The following FAM50B variants were observed in gnomAD, a reference collection of about 807,000 sequenced individuals.
FAM50B encodes family with sequence similarity 50 member B.
A neutral mutation model predicts 25.4 loss-of-function variants in FAM50B; 9 were observed. The observed-to-expected ratio is 0.35, with a 90% CI of 0.21 to 0.62. The LOEUF (loss-of-function observed/expected upper bound fraction) is 0.62, where lower values mean the gene tolerates loss of function less well. FAM50B is among the 20% of genes least tolerant of loss of function. The pLI is 0.73. For synonymous variants in FAM50B, 212 were observed against 204.3 expected (o/e 1.04, Z -0.32); for missense variants, 372 against 477.9 (o/e 0.78, Z 2.07).
the FAM50B span, among the ~76,000 whole-genome samples, chr6:3,839,403 T>A: frequency 4.6e-5 from 7 of 152,220 alleles, no homozygotes; most frequent in East Asian, 1.2e-3. Flanking sequence ...CACATTGGGA[T>A]CCATTGTCAA....
chr6:3,832,117 G>A, the FAM50B span: 1 of 152,136 alleles, frequency 6.6e-6, no homozygotes, highest in Non-Finnish European at 1.5e-5. Flanking sequence ...GTCAAGCAAA[G>A]GAATTCATAC....
chr6:3,850,527 A>G lies in FAM50B; in HGVS notation c.716A>G (p.Lys239Arg), dbSNP rs1762202181. 1.9e-6 allele frequency: 3 copies of G among 1,613,952 alleles called. No homozygotes were observed. The highest frequency in any genetic ancestry group is 2.5e-6 in the Non-Finnish European group (3 of 1,180,018). Residue 239 changes from lysine (K) to arginine (R), a missense_variant, in exon 2 of 2, where the codon AAG becomes AGG. Lys to Arg is a conservative substitution (Grantham distance 26). Transcript: ENST00000648326. ...GGCGTGGAGCAGCTCATGTTCATCA[A>G]GGAGGACCTCATCCTGCCGCACTAC... ...SAGVEQLMFI[K>R]EDLILPHYHT...
At chr6:3,840,529 C>CA in the FAM50B span, among the ~76,000 whole-genome samples, 3 of 152,226 alleles carry the variant, frequency 2.0e-5, no homozygotes, top group East Asian at 5.8e-4. Context: ...CGGCATGTAA[C>CA]AGAGTCCAGG....
In FAM50B at chr6:3,850,040, C is replaced by T; in HGVS notation, c.229C>T (p.Gln77Ter). 6.2e-7 allele frequency: 1 copy of T among 1,613,108 alleles called. No individual in the cohort carries two copies. The highest frequency in any genetic ancestry group is 8.5e-7 in the Non-Finnish European group (1 of 1,179,640). ...GACCCTGAACGACATGAAGGCCCGGCAGGAGGCCCTGGTCAGGGAGCGCGA... is the reference window on the plus strand; with the variant it reads ...GACCCTGAACGACATGAAGGCCCGGTAGGAGGCCCTGGTCAGGGAGCGCGA... ...LVTLNDMKAR[Q>*]EALVRERERQ... The change falls in exon 2 of 2, where the codon CAG becomes TAG. Residue 77 changes from glutamine (Q) to a stop codon, truncating the protein, a stop_gained. Transcript: ENST00000648326. LOFTEE classifies it high-confidence loss of function.
the FAM50B span, among the ~76,000 whole-genome samples, chr6:3,842,414 C>CT: frequency 1.3e-5 from 2 of 152,186 alleles, no homozygotes; most frequent in African/African-American, 2.4e-5. Context: ...TTCTACGTTC[C>CT]TTTAAGAGGA....
rs1351309387 is a variant in FAM50B at position 3,850,897 on chromosome 6, A to T, written c.*108A>T. ...CTTGATTTCTTCCCCCAAATTTAAT[A>T]AAGACAGAGGGTTCTCATGATTCAC... On this transcript the variant is annotated 3_prime_UTR_variant, in exon 2 of 2. Coordinates refer to ENST00000648326, the MANE Select transcript of FAM50B (RefSeq NM_012135.3). 42 of 1,480,898 alleles carry T rather than the reference A, an allele frequency of 2.8e-5. No homozygotes were observed. In the Middle Eastern group the frequency reaches 1.3e-3, roughly 47 times the overall value. 91.7% of individuals were successfully genotyped at this position (1,480,898 alleles called of 1,614,324 possible). A position where few individuals can be genotyped will look rare whatever the true frequency, so the allele number is the denominator to read the frequency against.
chr6:3,840,024 A>G, the FAM50B span, among the ~76,000 whole-genome samples: 3 of 151,896 alleles, frequency 2.0e-5, no homozygotes, highest in Non-Finnish European at 2.9e-5. Flanking sequence ...ACGGAGTCTC[A>G]CTCTGTCGCC....
the FAM50B span, among the ~76,000 whole-genome samples, chr6:3,833,262 G>T: frequency 6.6e-6 from 1 of 152,204 alleles, no homozygotes; most frequent in South Asian, 2.1e-4. Context: ...ACTGGTAAGA[G>T]CTGAGAATTT....
the FAM50B span, among the ~76,000 whole-genome samples, chr6:3,842,820 G>A: frequency 2.8e-3 from 422 of 152,224 alleles, 5 homozygotes; most frequent in African/African-American, 9.1e-3. Flanking sequence ...TTTGCTGTAC[G>A]TTTCTAAAAA....
chr6:3,837,890 C>T, the FAM50B span, among the ~76,000 whole-genome samples: 53 of 152,306 alleles, frequency 3.5e-4, no homozygotes, highest in Non-Finnish European at 2.9e-5. Flanking sequence ...GACAGCAGAG[C>T]CCTCATGACC....
chr6:3,832,060 G>A, the FAM50B span: 1 of 152,254 alleles, frequency 6.6e-6, no homozygotes, highest in Admixed American at 6.5e-5. Context: ...GTTGCGGGAA[G>A]TACAGCTGTT....
At chr6:3,841,216 T>G in the FAM50B span, among the ~76,000 whole-genome samples, 1 of 152,210 alleles carries the variant, frequency 6.6e-6, no homozygotes, top group Non-Finnish European at 1.5e-5. Context: ...TACAAGCTGT[T>G]TAAAGAATAA....
rs761653588 is a variant in FAM50B, at chr6:3,850,803, G to C, written c.*14G>C. On this transcript the variant is annotated 3_prime_UTR_variant, in exon 2 of 2. Transcript: ENST00000648326. The stretch of plus-strand genomic sequence containing the variant: ...ACCATCCGCTAACACCCGCCTGCCA[G>C]AGCGGAAACCGGGGGTGGGGGGAGA... 3 of 1,609,994 alleles carry C rather than the reference G, an allele frequency of 1.9e-6. No homozygotes were observed. The East Asian group carries it at 6.7e-5, about 36-fold the overall frequency.
the FAM50B span, among the ~76,000 whole-genome samples, chr6:3,835,502 T>A: frequency 6.6e-6 from 1 of 152,128 alleles, no homozygotes; most frequent in Admixed American, 6.5e-5. Flanking sequence ...ATGTGATCCA[T>A]GAGTTAGGGC....
the FAM50B span, among the ~76,000 whole-genome samples, chr6:3,836,989 G>A: frequency 3.3e-5 from 5 of 152,164 alleles, no homozygotes; most frequent in Non-Finnish European, 2.9e-5. Context: ...AAATCTGGGT[G>A]ACAGACTAGT....
rs1415743788 is a variant in FAM50B, at chr6:3,849,547, G to A, written c.-24+61G>A. ...TGCAGCTCCCCAAATTCAGCGCTGC[G>A]CTCAGGCATGGCAGCCACCCGTTAC... On this transcript the variant is annotated intron_variant, in intron 1 of 1. Transcript: ENST00000648326. 6.7e-5 allele frequency: 34 copies of A among 510,396 alleles called. 2 individuals are homozygous for A. The South Asian group carries it at 8.3e-4, about 12-fold the overall frequency. 31.6% of individuals were successfully genotyped at this position (510,396 alleles called of 1,614,324 possible). A position where few individuals can be genotyped will look rare whatever the true frequency, so the allele number is the denominator to read the frequency against.
At chr6:3,839,984 TTG>T in the FAM50B span, among the ~76,000 whole-genome samples, 1,115 of 108,974 alleles carry the variant, frequency 0.01, 19 homozygotes, top group African/African-American at 0.036. Context: ...GTTGTTGTTG[TTG>T]TTGTTTGTTT....
the FAM50B span, among the ~76,000 whole-genome samples, chr6:3,843,362 C>G: frequency 1.2e-4 from 18 of 152,040 alleles, no homozygotes; most frequent in African/African-American, 4.1e-4. Flanking sequence ...TGAAAATAAC[C>G]CTTTCAGGAT....
chr6:3,840,776 G>A, the FAM50B span, among the ~76,000 whole-genome samples: 6 of 152,184 alleles, frequency 3.9e-5, no homozygotes, highest in East Asian at 1.9e-4. Flanking sequence ...AGTGAAAGAT[G>A]AGCATGATTT....
Sources: gnomAD v4.1 joint callset for allele counts (sites outside exome capture counted in the v4.1 genomes callset) on GRCh38, gnomAD v4.1.1 for gene constraint, MANE v1.5 for transcripts, NCBI Gene and HGNC (gene_info 2026-07-23, HGNC 2026-07-21) for gene names.